TPRKB: variants seen among roughly 807,000 people sequenced by gnomAD.
TPRKB encodes the protein EKC/KEOPS complex subunit TPRKB.
TPRKB carries 11 observed loss-of-function variants against 17.8 expected under a neutral mutation model. The ratio of observed to expected loss-of-function variants is 0.62; its 90% CI spans 0.39 to 1.02. The LOEUF is 1.02. Ranked by LOEUF, TPRKB falls within the 50% of genes least tolerant of loss-of-function variation. The probability of loss-of-function intolerance (pLI) is 0.00; values close to 1 mark genes in which losing one functional copy is unlikely to be tolerated. For missense variants in TPRKB, 228 were observed against 198.0 expected, an observed-to-expected ratio of 1.15 and a Z score of -0.91; for synonymous variants, 71 against 69.5, an observed-to-expected ratio of 1.02 and a Z score of -0.11.
intron 1 of TPRKB, among the ~76,000 whole-genome samples, chr2:73,736,102 A>G (rs1671864041): frequency 6.6e-6 from 1 of 152,162 alleles, no homozygotes; most frequent in South Asian, 2.1e-4. Flanking sequence ...ATACACCAAA[A>G]AGTTAATGTT....
At position 73,734,501 on chromosome 2, in the gene TPRKB, T is replaced by C. The variant is rs1393317309; in HGVS notation, c.69A>G (p.Val23=). 6.2e-7 allele frequency: 1 copy of C among 1,614,052 alleles called. No homozygotes were observed. Among genetic ancestry groups the C allele is most frequent in the Non-Finnish European group, 8.5e-7 (1 of 1,180,018 alleles). ...TTCTTCTCAAGTCTCCCGCATTTTT[T>C]ACATCTTTAAATAACAGAAGGGTTA... The part of the protein sequence containing the change: ...CRVTLLLFKD[V]KNAGDLRRKA... Residue 23 remains valine, a synonymous_variant, in exon 2 of 5, where the codon GTA becomes GTG. Coordinates refer to ENST00000272424, the MANE Select transcript of TPRKB (RefSeq NM_016058.5).
At chr2:73,730,378 A>G in intron 4 of TPRKB, 182 bp downstream of exon 4, 1 of 492,744 alleles carries the variant, frequency 2.0e-6, no homozygotes, top group Non-Finnish European at 3.5e-6. Flanking sequence ...GTTTGTAATT[A>G]TATTTTACAT....
chr2:73,734,538 G>A lies in TPRKB; in HGVS notation c.32C>T (p.Pro11Leu). 2 of 1,613,466 alleles carry A rather than the reference G, an allele frequency of 1.2e-6. No individual in the cohort carries two copies. The change falls in exon 2 of 5, where the codon CCC (proline) becomes CTC (leucine). Residue 11 changes from proline (P) to leucine (L), a missense_variant. Physicochemically the swap from Pro to Leu is moderately conservative, Grantham distance 98. Transcript: ENST00000272424. ...TAACAGAAGGGTTACCCTGCATTCG[G>A]GAAATAGGTCCAGCTGATGTGTTAA... is the stretch of plus-strand genomic sequence containing the variant. MQLTHQLDLF[P>L]ECRVTLLLFK... is the part of the protein sequence containing the mutation.
intron 3 of TPRKB, 117 bp downstream of exon 3, chr2:73,732,046 C>G (rs1558757493): frequency 1.7e-6 from 2 of 1,152,434 alleles, no homozygotes; most frequent in East Asian, 2.4e-5. Context: ...GCTCTCTTCA[C>G]TATTATTTGG....
intron 1 of TPRKB, among the ~76,000 whole-genome samples, chr2:73,736,345 AT>A (rs1455814339): frequency 3.9e-5 from 6 of 152,156 alleles, no homozygotes; most frequent in Admixed American, 6.5e-5. Context: ...TTATGAGGTG[AT>A]TTTTATTGTC....
chr2:73,733,940 C>T (rs1671755867), intron 2 of TPRKB, among the ~76,000 whole-genome samples: 1 of 150,648 alleles, frequency 6.6e-6, no homozygotes, highest in Non-Finnish European at 1.5e-5. Flanking sequence ...GCCTCAGTCT[C>T]CTGAGTACAG....
chr2:73,731,333 G>A (rs897803783), intron 3 of TPRKB, among the ~76,000 whole-genome samples: 8 of 152,136 alleles, frequency 5.3e-5, no homozygotes, highest in Non-Finnish European at 1.5e-5. Flanking sequence ...TGCCTCTTCT[G>A]CCCCTAGAAC....
At chr2:73,730,955 G>C in intron 3 of TPRKB, 2 of 374,956 alleles carry the variant, frequency 5.3e-6, no homozygotes, top group Non-Finnish European at 9.4e-6. Flanking sequence ...TGTTCCTATG[G>C]AATCAAGCCC....
chr2:73,735,437 G>T (rs905499175), intron 1 of TPRKB, among the ~76,000 whole-genome samples: 1 of 151,912 alleles, frequency 6.6e-6, no homozygotes, highest in Non-Finnish European at 1.5e-5. Context: ...GTATACAGAT[G>T]TAACAAACCT....
intron 3 of TPRKB, chr2:73,731,870 T>C (rs1671626082): frequency 8.4e-6 from 2 of 238,266 alleles, no homozygotes; most frequent in African/African-American, 4.5e-5. Context: ...GTTTTATCAT[T>C]TAGATTTCTG....
chr2:73,735,586 G>A (rs921273720), intron 1 of TPRKB, among the ~76,000 whole-genome samples: 4 of 152,086 alleles, frequency 2.6e-5, no homozygotes, highest in Non-Finnish European at 4.4e-5. Flanking sequence ...AATCAATGTC[G>A]CTCCTTTCTT....
chr2:73,731,884 G>C (rs1671626764), intron 3 of TPRKB: 1 of 257,948 alleles, frequency 3.9e-6, no homozygotes, highest in Non-Finnish European at 7.3e-6. Context: ...ATTTCTGTCA[G>C]CTTCTCAAGC....
intron 3 of TPRKB, 80 bp downstream of exon 3, chr2:73,732,083 G>A: frequency 1.3e-6 from 2 of 1,491,386 alleles, no homozygotes; most frequent in Non-Finnish European, 1.8e-6. Flanking sequence ...TGGCTTGCAG[G>A]AATTTAGCCT....
At chr2:73,730,770 A>C (rs1043403408) in intron 3 of TPRKB, 34 bp from the exon 4 acceptor site, 1 of 1,406,180 alleles carries the variant, frequency 7.1e-7, no homozygotes, top group Non-Finnish European at 9.4e-7. Flanking sequence ...AAAACACAAG[A>C]TCATTAACCA....
intron 3 of TPRKB, among the ~76,000 whole-genome samples, chr2:73,731,641 G>A (rs1275787915): frequency 6.6e-6 from 1 of 152,154 alleles, no homozygotes; most frequent in Non-Finnish European, 1.5e-5. Context: ...CATGTGTGAT[G>A]TCTTTAGCTT....
chr2:73,732,053 T>C, intron 3 of TPRKB, 110 bp downstream of exon 3: 2 of 1,202,400 alleles, frequency 1.7e-6, no homozygotes, highest in Non-Finnish European at 2.4e-6. Flanking sequence ...TCACTATTAT[T>C]TGGGTTTATT....
At position 73,730,646 on chromosome 2, in the gene TPRKB, GATTT is replaced by G. The variant is rs1671560369; in HGVS notation, c.351_354del (p.Asn118LysfsTer4). 2 of 1,588,014 alleles carry G rather than the reference GATTT, an allele frequency of 1.3e-6. No individual in the cohort carries two copies. The highest frequency in any genetic ancestry group is 1.4e-5 in the African/African-American group (1 of 72,932). On this transcript the variant is annotated frameshift_variant, in exon 4 of 5. Transcript: ENST00000272424. LOFTEE classifies it high-confidence loss of function. ...TCTACTTGAGATATTAGGTATTCTT[GATTT>G]ATTTGTTTTTCTCCCTCTTCAATGT...
chr2:73,730,384 T>C, intron 4 of TPRKB, 176 bp downstream of exon 4: 1 of 503,258 alleles, frequency 2.0e-6, no homozygotes. Context: ...AATTATATTT[T>C]ACATAAACCA....
intron 1 of TPRKB, among the ~76,000 whole-genome samples, chr2:73,735,195 G>C (rs1156252695): frequency 2.0e-5 from 3 of 152,030 alleles, no homozygotes; most frequent in African/African-American, 7.2e-5. Flanking sequence ...AGCCAGGCAT[G>C]GTGGCGCATG....
Sources: gnomAD v4.1 joint callset for allele counts (sites outside exome capture counted in the v4.1 genomes callset) on GRCh38, gnomAD v4.1.1 for gene constraint, MANE v1.5 for transcripts, NCBI Gene and HGNC (gene_info 2026-07-23, HGNC 2026-07-21) for gene names.